Variants in ELP1 observed in about 807,000 individuals in gnomAD.
ELP1 encodes elongator complex protein 1.
In ELP1, 131 loss-of-function variants were observed where a neutral mutation model predicts 183.2. That is an observed-to-expected ratio of 0.72 (90% CI 0.62 to 0.83). The LOEUF (loss-of-function observed/expected upper bound fraction) is 0.83. Among genes scored for constraint, ELP1 ranks in the 40% least tolerant of loss-of-function variants. The probability of loss-of-function intolerance (pLI) is 0.00; values close to 1 mark genes in which losing one functional copy is unlikely to be tolerated. For missense variants in ELP1, 1,550 were observed against 1,594.9 expected (o/e 0.97, Z 0.48); for synonymous variants, 555 against 569.0 (o/e 0.98, Z 0.35).
intron 6 of ELP1, among the ~76,000 whole-genome samples, chr9:108,922,264 T>C (rs964731338): frequency 6.6e-6 from 1 of 152,184 alleles, no homozygotes; most frequent in African/African-American, 2.4e-5. Context: ...GGACACTACT[T>C]CCCCAGGTGC....
chr9:108,903,522 A>G (rs765911200), intron 15 of ELP1, 41 bp downstream of exon 15: 8 of 1,256,110 alleles, frequency 6.4e-6, no homozygotes, highest in South Asian at 4.8e-5. Context: ...CTAAGCATCT[A>G]TGTAAGTCAT....
At chr9:108,870,846 T>C (rs960762159) in intron 36 of ELP1, among the ~76,000 whole-genome samples, 2 of 152,176 alleles carry the variant, frequency 1.3e-5, no homozygotes, top group Non-Finnish European at 1.5e-5. Flanking sequence ...ATCTTCCTCA[T>C]TGTCTGGCGC....
chr9:108,881,561 T>A (rs1015371182), intron 31 of ELP1, 144 bp downstream of exon 31: 3 of 644,398 alleles, frequency 4.7e-6, no homozygotes, highest in Non-Finnish European at 8.3e-6. Flanking sequence ...CTAGTGAGAA[T>A]TAAATATTAT....
intron 1 of ELP1, 91 bp from the exon 2 acceptor site, chr9:108,931,292 C>A: frequency 2.3e-6 from 2 of 865,772 alleles, no homozygotes; most frequent in Non-Finnish European, 3.6e-6. Context: ...TAGTCAGAAT[C>A]AGAATAACCA....
intron 36 of ELP1, among the ~76,000 whole-genome samples, chr9:108,869,654 T>C (rs1162510416): frequency 1.3e-5 from 2 of 151,978 alleles, no homozygotes; most frequent in African/African-American, 4.8e-5. Context: ...AACATGTTGA[T>C]CAATAAAGAT....
chr9:108,898,688 A>C lies in ELP1; in HGVS notation c.2266T>G (p.Tyr756Asp). The change falls in exon 21 of 37, where the codon TAT (tyrosine) becomes GAT (aspartate). Residue 756 changes from tyrosine to aspartate, a missense_variant. By Grantham distance (160) the Tyr-to-Asp change is radical. Transcript: ENST00000374647. ...RKLRINLNLI[Y>D]DHNPKVFLGN... ...AAAGTTACCTTAGGGTTATGATCATAAATCAGATTGAGATTGATTCTCAGC... is the reference window on the plus strand; with the variant it reads ...AAAGTTACCTTAGGGTTATGATCATCAATCAGATTGAGATTGATTCTCAGC... 1 of 1,612,880 alleles carries C rather than the reference A, an allele frequency of 6.2e-7. No individual in the cohort carries two copies. The highest frequency in any genetic ancestry group is 1.3e-5 in the African/African-American group (1 of 75,048).
At chr9:108,910,498 T>G (rs953755524) in intron 12 of ELP1, among the ~76,000 whole-genome samples, 1 of 152,152 alleles carries the variant, frequency 6.6e-6, no homozygotes, top group African/African-American at 2.4e-5. Flanking sequence ...AGGAAAGTAA[T>G]GAAGAACTGA....
intron 5 of ELP1, among the ~76,000 whole-genome samples, chr9:108,925,223 C>T (rs1456115773): frequency 6.6e-6 from 1 of 152,134 alleles, no homozygotes; most frequent in African/African-American, 2.4e-5. Flanking sequence ...CTCTTTAAAC[C>T]TCTTATCATC....
chr9:108,918,503 A>G (rs1471133055), intron 8 of ELP1, among the ~76,000 whole-genome samples: 2 of 152,238 alleles, frequency 1.3e-5, no homozygotes, highest in African/African-American at 4.8e-5. Context: ...TCTGCTCTGT[A>G]CAATGGCTTC....
rs953658538 is a variant in ELP1, at chr9:108,868,815, A to G, written c.*300T>C. 1.7e-5 allele frequency: 10 copies of G among 585,402 alleles called. No homozygotes were observed. In the African/African-American group the frequency reaches 1.9e-4, roughly 11 times the overall value. 36.3% of individuals were successfully genotyped at this position (585,402 alleles called of 1,614,324 possible). ...ACTTTGGAGGTAGAAATCATGAAAC[A>G]TTAATCTCATGATTACCATAATTAT... is the stretch of plus-strand genomic sequence containing the variant. On this transcript the variant is annotated 3_prime_UTR_variant, in exon 37 of 37. Coordinates refer to ENST00000374647, the MANE Select transcript of ELP1 (RefSeq NM_003640.5).
chr9:108,875,306 T>C (rs1392238563), intron 35 of ELP1, among the ~76,000 whole-genome samples: 2 of 152,188 alleles, frequency 1.3e-5, no homozygotes, highest in Admixed American at 1.3e-4. Flanking sequence ...TACAAATACG[T>C]AGAGTATCAA....
At chr9:108,913,979 C>G (rs1829330743) in intron 10 of ELP1, among the ~76,000 whole-genome samples, 1 of 152,188 alleles carries the variant, frequency 6.6e-6, no homozygotes, top group Non-Finnish European at 1.5e-5. Context: ...TACGTATAAT[C>G]TCCATTCCAA....
intron 32 of ELP1, 48 bp downstream of exon 32, chr9:108,880,004 C>T (rs776369407): frequency 8.4e-7 from 1 of 1,183,688 alleles, no homozygotes; most frequent in East Asian, 2.3e-5. Context: ...GTGGCGTTAC[C>T]CAACCCCACT....
At chr9:108,902,458 C>T (rs536114155) in intron 16 of ELP1, among the ~76,000 whole-genome samples, 1 of 152,276 alleles carries the variant, frequency 6.6e-6, no homozygotes, top group South Asian at 2.1e-4. Flanking sequence ...GTTTTCCAGC[C>T]ACTGCATTCT....
intron 30 of ELP1, 118 bp downstream of exon 30, chr9:108,882,007 G>T: frequency 1.2e-6 from 1 of 841,002 alleles, no homozygotes; most frequent in Non-Finnish European, 2.0e-6. Flanking sequence ...CCAGGAACCT[G>T]ACCTATTTCT....
At chr9:108,872,122 TA>T (rs1303808619) in intron 36 of ELP1, among the ~76,000 whole-genome samples, 1 of 152,210 alleles carries the variant, frequency 6.6e-6, no homozygotes, top group Non-Finnish European at 1.5e-5. Context: ...GATATTACAT[TA>T]AACGTGATAA....
intron 6 of ELP1, among the ~76,000 whole-genome samples, chr9:108,921,427 T>C (rs1291179083): frequency 1.3e-5 from 2 of 152,236 alleles, no homozygotes; most frequent in Non-Finnish European, 2.9e-5. Context: ...TGTCATAACA[T>C]GTATGAGTAA....
chr9:108,897,587 T>C (rs959059401), intron 22 of ELP1, among the ~76,000 whole-genome samples: 1 of 152,154 alleles, frequency 6.6e-6, no homozygotes. Flanking sequence ...AAAAAAAGAA[T>C]GAACTAGTGA....
intron 29 of ELP1, 66 bp from the exon 30 acceptor site, chr9:108,882,253 A>G: frequency 7.2e-7 from 1 of 1,396,532 alleles, no homozygotes; most frequent in Non-Finnish European, 1.0e-6. Flanking sequence ...ACAGCCAACT[A>G]CAAAACTAAC....
Sources: allele counts gnomAD v4.1 joint callset (sites outside exome capture counted in the v4.1 genomes callset), GRCh38; gene constraint gnomAD v4.1.1; transcripts MANE v1.5; gene names NCBI Gene and HGNC (gene_info 2026-07-23, HGNC 2026-07-21).